NCOR1: variants seen among roughly 807,000 people sequenced by gnomAD.
The protein encoded by NCOR1 is nuclear receptor corepressor 1.
A neutral mutation model predicts 288.1 loss-of-function variants in NCOR1; 63 were observed. That is an observed-to-expected ratio of 0.22 (90% CI 0.18 to 0.27). The LOEUF is 0.27. NCOR1 is among the 10% of genes least tolerant of loss of function. NCOR1 has a pLI of 1.00. For synonymous variants in NCOR1, 1,007 were observed against 1,065.9 expected (o/e 0.94, Z 1.08); for missense variants, 2,397 against 3,019.2 (o/e 0.79, Z 4.83).
At chr17:16,128,497 T>C (rs1164217630) in intron 14 of NCOR1, among the ~76,000 whole-genome samples, 1 of 152,216 alleles carries the variant, frequency 6.6e-6, no homozygotes, top group Non-Finnish European at 1.5e-5. Context: ...CTTACTTCTC[T>C]AAGCATCCCC....
In NCOR1 at chr17:16,067,927, G is replaced by A. The variant is rs763010071; in HGVS notation, c.4708C>T (p.Pro1570Ser). 2.5e-6 allele frequency: 4 copies of A among 1,614,116 alleles called. No homozygotes were observed. The South Asian group carries it at 3.3e-5, about 13-fold the overall frequency. The change falls in exon 32 of 46, where the codon CCA becomes TCA. Residue 1570 changes from proline (P) to serine (S), a missense_variant. Pro to Ser is a moderately conservative substitution (Grantham distance 74, BLOSUM62 -1). This residue lies in a region of NCOR1 where 1,872 missense variants were observed against 2,187.8 expected (regional missense o/e 0.86). Transcript: ENST00000268712. ...AAAGCCCTGTGAAAAGGCATGGCTG[G>A]ATCCAAGTGCGTGGGCAGGTGGCTC... is the stretch of plus-strand genomic sequence containing the variant. ...YRSHLPTHLD[P>S]AMPFHRALDP...
chr17:16,123,845 T>A (rs890688286), intron 15 of NCOR1, among the ~76,000 whole-genome samples: 1 of 152,218 alleles, frequency 6.6e-6, no homozygotes, highest in Non-Finnish European at 1.5e-5. Context: ...AAGTAATACT[T>A]GTACTTTACC....
At chr17:16,085,385 T>C (rs1463569036) in intron 23 of NCOR1, among the ~76,000 whole-genome samples, 2 of 152,126 alleles carry the variant, frequency 1.3e-5, no homozygotes, top group Non-Finnish European at 2.9e-5. Context: ...CAGGTAATTG[T>C]ACAAGAAAAA....
intron 13 of NCOR1, 47 bp downstream of exon 13, chr17:16,138,111 C>T (rs749553172): frequency 1.3e-6 from 2 of 1,499,472 alleles, no homozygotes; most frequent in East Asian, 4.5e-5. Flanking sequence ...TTCAAAGTAA[C>T]AACCATCACA....
At chr17:16,098,822 G>A (rs745345074) in intron 20 of NCOR1, 1 of 170,710 alleles carries the variant, frequency 5.9e-6, no homozygotes, top group African/African-American at 2.4e-5. Context: ...AAAGAAAAAA[G>A]AAACCTAATA....
At chr17:16,187,916 AG>A (rs2087051747) in intron 2 of NCOR1, among the ~76,000 whole-genome samples, 1 of 151,050 alleles carries the variant, frequency 6.6e-6, no homozygotes, top group Admixed American at 6.6e-5. Flanking sequence ...AAAAAAAAAA[AG>A]AAAGAAAAAC....
At chr17:16,170,811 A>C (rs2083004716) in intron 4 of NCOR1, among the ~76,000 whole-genome samples, 1 of 151,286 alleles carries the variant, frequency 6.6e-6, no homozygotes, top group African/African-American at 2.4e-5. Context: ...ACTGCACTCC[A>C]GCCTGGGGTA....
chr17:16,068,246 CATTTAACATTCAAT>C, intron 31 of NCOR1, 125 bp from the exon 32 acceptor site: 1 of 776,798 alleles, frequency 1.3e-6, no homozygotes. Context: ...TTCCACTCAA[CATTTAACATTCAAT>C]ATTGCAAAAT....
intron 23 of NCOR1, 64 bp downstream of exon 23, chr17:16,086,218 G>A: frequency 1.3e-6 from 2 of 1,495,072 alleles, no homozygotes. Context: ...GTGCGAGGAG[G>A]GAGGACAAGT....
rs751292523 is a variant in NCOR1, at chr17:16,139,203, A to G, written c.1174-17T>C. ...CTCATTATTCTGGAAAAAAAATACA[A>G]TTTACTTAGAATAAAACATAAACTA... On this transcript the variant is annotated splice_polypyrimidine_tract_variant and intron_variant, in intron 11 of 45. Coordinates refer to ENST00000268712, the MANE Select transcript of NCOR1 (RefSeq NM_006311.4). The G allele has an allele frequency of 1.4e-5, 22 of 1,604,142 alleles. No homozygotes were observed. Among genetic ancestry groups the G allele is most frequent in the Non-Finnish European group, 1.9e-5 (22 of 1,174,474 alleles).
chr17:16,150,491 C>T (rs942001510), intron 8 of NCOR1, among the ~76,000 whole-genome samples: 2 of 152,054 alleles, frequency 1.3e-5, no homozygotes, highest in East Asian at 1.9e-4. Context: ...TTTAAGTATA[C>T]GTTACTCAAA....
intron 18 of NCOR1, among the ~76,000 whole-genome samples, chr17:16,111,482 A>G (rs2070158400): frequency 6.6e-6 from 1 of 152,042 alleles, no homozygotes; most frequent in Non-Finnish European, 1.5e-5. Context: ...TGTGCCTGTA[A>G]TCCCAGCTAC....
intron 1 of NCOR1, among the ~76,000 whole-genome samples, chr17:16,210,600 C>T (rs1187905103): frequency 6.6e-6 from 1 of 152,138 alleles, no homozygotes; most frequent in African/African-American, 2.4e-5. Flanking sequence ...ATCACTGTAA[C>T]ACTGACATAG....
At chr17:16,163,011 T>C (rs1358592247) in intron 5 of NCOR1, among the ~76,000 whole-genome samples, 2 of 151,944 alleles carry the variant, frequency 1.3e-5, no homozygotes, top group Non-Finnish European at 2.9e-5. Context: ...ACAAATTCTG[T>C]TCACCAAAAA....
intron 5 of NCOR1, among the ~76,000 whole-genome samples, chr17:16,162,329 C>T (rs1484163643): frequency 6.6e-6 from 1 of 151,920 alleles, no homozygotes. Flanking sequence ...GATGTTACAA[C>T]TAACAGGAAT....
At chr17:16,210,309 A>G (rs1457119442) in intron 1 of NCOR1, among the ~76,000 whole-genome samples, 1 of 151,804 alleles carries the variant, frequency 6.6e-6, no homozygotes, top group Non-Finnish European at 1.5e-5. Flanking sequence ...GCTTGAACCC[A>G]GGAGGCAGAG....
intron 42 of NCOR1, among the ~76,000 whole-genome samples, chr17:16,043,355 G>C (rs1208928869): frequency 3.3e-5 from 5 of 152,112 alleles, no homozygotes; most frequent in Non-Finnish European, 7.4e-5. Context: ...GGAGCCCACT[G>C]GTTCTTTAAT....
rs2153000043 is a variant in NCOR1, at chr17:16,101,732, G to C, written c.2208C>G (p.Asp736Glu). 1 of 1,614,208 alleles carries C rather than the reference G, an allele frequency of 6.2e-7. No homozygotes were observed. Among genetic ancestry groups the C allele is most frequent in the Non-Finnish European group, 8.5e-7 (1 of 1,180,048 alleles). ...CTCGAGAAGTAGCATTTTCAGGACTGTCCTCGCTGGGCTTGACAGCTTCAA... is the reference window on the plus strand; with the variant it reads ...CTCGAGAAGTAGCATTTTCAGGACTCTCCTCGCTGGGCTTGACAGCTTCAA... Reference protein sequence around the residue: ...SEVEAVKPSEDSPENATSRGN... With the variant: ...SEVEAVKPSEESPENATSRGN... The change falls in exon 20 of 46, where the codon GAC (aspartate) becomes GAG (glutamate). Residue 736 changes from aspartate (D) to glutamate (E), a missense_variant. By Grantham distance (45) the Asp-to-Glu change is conservative. Coordinates refer to ENST00000268712, the MANE Select transcript of NCOR1 (RefSeq NM_006311.4).
rs147024757 is a variant in NCOR1, at chr17:16,113,759, G to A, written c.2055+4129C>T. ...AATACAAAAATTAGCTGGGCATAGC[G>A]GCGTGCGCCTGTAATCCCAGCTGCT... On this transcript the variant is annotated intron_variant, in intron 18 of 45. Coordinates refer to ENST00000268712, the MANE Select transcript of NCOR1 (RefSeq NM_006311.4). Among the ~76,000 whole-genome samples, 128 of 152,172 alleles carry A rather than the reference G, an allele frequency of 8.4e-4. 3 individuals carry two copies. Among genetic ancestry groups the A allele is most frequent in the African/African-American group, 3.0e-3 (124 of 41,518 alleles).
Sources: allele counts gnomAD v4.1 joint callset (sites outside exome capture counted in the v4.1 genomes callset), GRCh38; gene constraint gnomAD v4.1.1; regional missense constraint gnomAD v4.1.1; transcripts MANE v1.5; gene names NCBI Gene and HGNC (gene_info 2026-07-23, HGNC 2026-07-21).